The following PRKAR1B variants were observed in gnomAD, a reference collection of about 807,000 sequenced individuals.
The protein encoded by PRKAR1B is protein kinase cAMP-dependent type I regulatory subunit beta.
In PRKAR1B, 22 loss-of-function variants were observed where a neutral mutation model predicts 46.5. The observed-to-expected ratio is 0.47, with a 90% CI of 0.34 to 0.68. The LOEUF (loss-of-function observed/expected upper bound fraction) is 0.68, where lower values mean the gene tolerates loss of function less well. Ranked by LOEUF, PRKAR1B falls within the 30% of genes least tolerant of loss-of-function variation. PRKAR1B has a pLI of 0.01. For synonymous variants in PRKAR1B, 259 were observed against 217.7 expected (o/e 1.19, Z -1.67); for missense variants, 445 against 535.6 (o/e 0.83, Z 1.67).
At chr7:656,914 C>CGGAT (rs1187578046) in intron 4 of PRKAR1B, among the ~76,000 whole-genome samples, 3 of 103,932 alleles carry the variant, frequency 2.9e-5, no homozygotes, top group Non-Finnish European at 5.9e-5. Context: ...GATGGACGGA[C>CGGAT]GGATGGATGA....
chr7:601,683 T>C (rs964080967), intron 6 of PRKAR1B, among the ~76,000 whole-genome samples: 1 of 152,080 alleles, frequency 6.6e-6, no homozygotes, highest in Non-Finnish European at 1.5e-5. Flanking sequence ...CTGAAGTTGA[T>C]GGAGGTGCTT....
At chr7:583,215 G>T (rs938137439) in intron 8 of PRKAR1B, among the ~76,000 whole-genome samples, 3 of 152,100 alleles carry the variant, frequency 2.0e-5, no homozygotes, top group Non-Finnish European at 4.4e-5. Flanking sequence ...GTGCTGTGAC[G>T]TGCATTTTAC....
intron 4 of PRKAR1B, among the ~76,000 whole-genome samples, chr7:616,258 T>C (rs1388739218): frequency 6.6e-6 from 1 of 152,218 alleles, no homozygotes; most frequent in African/African-American, 2.4e-5. Context: ...ACGAGGTCAC[T>C]CCGGACAGAC....
At chr7:613,222 GT>G (rs1225026815) in intron 4 of PRKAR1B, among the ~76,000 whole-genome samples, 4 of 147,958 alleles carry the variant, frequency 2.7e-5, no homozygotes, top group Non-Finnish European at 6.0e-5. Flanking sequence ...ATTTTCATGT[GT>G]TTTTTTCTTT....
At chr7:580,781 A>T (rs1228710101) in intron 8 of PRKAR1B, among the ~76,000 whole-genome samples, 1 of 151,298 alleles carries the variant, frequency 6.6e-6, no homozygotes, top group Non-Finnish European at 1.5e-5. Context: ...TTCCTGGCCT[A>T]TACAAATCAG....
chr7:561,769 C>T (rs1045641159), intron 9 of PRKAR1B, among the ~76,000 whole-genome samples: 7 of 152,242 alleles, frequency 4.6e-5, no homozygotes, highest in Admixed American at 3.9e-4. Context: ...GTCTGGGGCC[C>T]GGCAAAGGCA....
At chr7:707,967 C>A (rs1476938340) in intron 2 of PRKAR1B, among the ~76,000 whole-genome samples, 83 of 127,840 alleles carry the variant, frequency 6.5e-4, no homozygotes, top group Middle Eastern at 0.011. Flanking sequence ...AGCCATCCCA[C>A]CACACCTTGA....
chr7:575,572 G>T (rs1174181301), intron 9 of PRKAR1B, among the ~76,000 whole-genome samples: 1 of 152,092 alleles, frequency 6.6e-6, no homozygotes, highest in Non-Finnish European at 1.5e-5. Flanking sequence ...TTGAGACAGG[G>T]TCTCTCTCTG....
chr7:643,504 C>T (rs1040644971), intron 4 of PRKAR1B, among the ~76,000 whole-genome samples: 2 of 151,364 alleles, frequency 1.3e-5, no homozygotes. Flanking sequence ...AGGCAGATCA[C>T]CAGAGGTTGG....
chr7:607,366 G>A, intron 5 of PRKAR1B, 25 bp downstream of exon 5: 1 of 1,605,734 alleles, frequency 6.2e-7, no homozygotes, highest in Non-Finnish European at 8.5e-7. Flanking sequence ...CTGGACTTTG[G>A]CTCCGAGGAG....
At chr7:679,335 C>G (rs542498351) in intron 3 of PRKAR1B, among the ~76,000 whole-genome samples, 2 of 152,310 alleles carry the variant, frequency 1.3e-5, no homozygotes, top group South Asian at 4.1e-4. Flanking sequence ...CCCCCGTGGC[C>G]TCCGGTCTGC....
intron 4 of PRKAR1B, among the ~76,000 whole-genome samples, chr7:615,209 A>C (rs1184987650): frequency 6.6e-6 from 1 of 152,070 alleles, no homozygotes; most frequent in African/African-American, 2.4e-5. Context: ...GCGGATCACA[A>C]GGTCGGAAGA....
At position 685,290 on chromosome 7, in the gene PRKAR1B, GTATACATA is replaced by G. The variant is rs1204301036; in HGVS notation, c.178-4572_178-4565del. Among the ~76,000 whole-genome samples, 49 of 13,104 alleles carry G rather than the reference GTATACATA, an allele frequency of 3.7e-3. 1 individual carries two copies. Among genetic ancestry groups the G allele is most frequent in the African/African-American group, 6.6e-3 (17 of 2,590 alleles). The allele number at this position is 13,104 out of a possible 152,430, so 8.6% of individuals were successfully genotyped here. ...TATACGTATATATACGTATATATAT[GTATACATA>G]TATATATACGTATATATACGTATAT... On this transcript the variant is annotated intron_variant, in intron 2 of 10. Transcript: ENST00000537384.
intron 4 of PRKAR1B, among the ~76,000 whole-genome samples, chr7:618,021 G>A (rs1025930632): frequency 2.1e-5 from 3 of 139,596 alleles, no homozygotes; most frequent in East Asian, 2.5e-4. Flanking sequence ...CCCACCCTCC[G>A]CCTGGGACCC....
intron 4 of PRKAR1B, among the ~76,000 whole-genome samples, chr7:655,658 T>C (rs1054490701): frequency 6.6e-6 from 1 of 152,244 alleles, no homozygotes; most frequent in Non-Finnish European, 1.5e-5. Context: ...TGGTCTGTGT[T>C]GCGCATCTTG....
chr7:671,125 G>T (rs1301531682), intron 4 of PRKAR1B, among the ~76,000 whole-genome samples: 1 of 152,188 alleles, frequency 6.6e-6, no homozygotes, highest in East Asian at 1.9e-4. Flanking sequence ...GGACTTGAGG[G>T]TTTCTAAAGG....
At position 595,140 on chromosome 7, in the gene PRKAR1B, C is replaced by G. The variant is rs1781200027; in HGVS notation, c.708+1006G>C. Among the ~76,000 whole-genome samples the G allele has an allele frequency of 2.6e-5, 4 of 152,324 alleles. No homozygotes were observed. In the South Asian group the frequency reaches 8.3e-4, roughly 32 times the overall value. ...CCCTCCCCGCCCTCTCTGGACAGCG[C>G]CTCACTGCCCCACGCGGGAAGGCCT... is the stretch of plus-strand genomic sequence containing the variant. On this transcript the variant is annotated intron_variant, in intron 7 of 10. Transcript: ENST00000537384.
intron 1 of PRKAR1B, 131 bp from the exon 2 acceptor site, chr7:711,658 G>C (rs1780637920): frequency 1.2e-6 from 1 of 853,508 alleles, no homozygotes; most frequent in Non-Finnish European, 1.8e-6. Context: ...ATTTGTCAAA[G>C]ATCTTTCATT....
At chr7:634,051 C>T (rs1783904750) in intron 4 of PRKAR1B, among the ~76,000 whole-genome samples, 1 of 152,096 alleles carries the variant, frequency 6.6e-6, no homozygotes, top group African/African-American at 2.4e-5. Context: ...TAAAGGGAGT[C>T]TAGTTCTGCC....
Sources: allele counts gnomAD v4.1 joint callset (sites outside exome capture counted in the v4.1 genomes callset), GRCh38; gene constraint gnomAD v4.1.1; transcripts MANE v1.5; gene names NCBI Gene and HGNC (gene_info 2026-07-23, HGNC 2026-07-21).